ASIC2: variants seen among roughly 807,000 people sequenced by gnomAD.
ASIC2 encodes acid sensing ion channel subunit 2.
A neutral mutation model predicts 57.3 loss-of-function variants in ASIC2; 25 were observed. The observed-to-expected ratio is 0.44, with a 90% CI of 0.32 to 0.61. ASIC2 has a LOEUF of 0.61. Among genes scored for constraint, ASIC2 ranks in the 20% least tolerant of loss-of-function variants. The pLI, the probability that ASIC2 is intolerant of heterozygous loss-of-function variation, is 0.06. For missense variants in ASIC2, 641 were observed against 738.1 expected (o/e 0.87, Z 1.52); for synonymous variants, 319 against 307.5 (o/e 1.04, Z -0.39).
At chr17:33,167,790 C>G (rs1257378319) in intron 1 of ASIC2, among the ~76,000 whole-genome samples, 2 of 141,206 alleles carry the variant, frequency 1.4e-5, no homozygotes, top group Admixed American at 1.4e-4. Context: ...CAAGACGTGC[C>G]TTCCTCTGCC....
At chr17:33,644,701 TAATTTAAAAAATG>T (rs1304601291) in intron 1 of ASIC2, among the ~76,000 whole-genome samples, 4 of 152,250 alleles carry the variant, frequency 2.6e-5, no homozygotes, top group Admixed American at 2.6e-4. Context: ...ATTCTAAGCT[TAATTTAAAAAATG>T]TTAAGTAAAT....
intron 1 of ASIC2, among the ~76,000 whole-genome samples, chr17:33,601,879 G>A (rs1422832396): frequency 2.0e-5 from 3 of 152,244 alleles, no homozygotes; most frequent in South Asian, 2.1e-4. Context: ...TTAAGACTTC[G>A]TGTTTTCCCT....
At chr17:33,393,583 G>A (rs1179568446) in intron 1 of ASIC2, among the ~76,000 whole-genome samples, 1 of 152,144 alleles carries the variant, frequency 6.6e-6, no homozygotes, top group African/African-American at 2.4e-5. Flanking sequence ...CTTTGGGAAA[G>A]TTATATAACT....
intron 1 of ASIC2, among the ~76,000 whole-genome samples, chr17:33,380,200 C>T (rs1430736899): frequency 1.5e-5 from 2 of 136,274 alleles, no homozygotes; most frequent in East Asian, 2.3e-4. Context: ...TAGGTGACAT[C>T]GCGCCACTGC....
intron 1 of ASIC2, among the ~76,000 whole-genome samples, chr17:33,632,555 C>T (rs538526261): frequency 4.8e-4 from 73 of 152,142 alleles, no homozygotes; most frequent in Middle Eastern, 3.4e-3. Context: ...GCTGCTTTTC[C>T]CAGTAAACTA....
At chr17:33,667,872 G>A (rs1267787489) in intron 1 of ASIC2, among the ~76,000 whole-genome samples, 2 of 152,144 alleles carry the variant, frequency 1.3e-5, no homozygotes, top group African/African-American at 4.8e-5. Flanking sequence ...TTATCTATAA[G>A]CACAGCTGCT....
chr17:33,947,333 G>A (rs150780869), intron 1 of ASIC2, among the ~76,000 whole-genome samples: 18 of 152,152 alleles, frequency 1.2e-4, no homozygotes, highest in African/African-American at 3.1e-4. Context: ...CTCCATTGGC[G>A]TTTCGCTCTA....
At chr17:33,068,347 A>T (rs942604183) in intron 3 of ASIC2, among the ~76,000 whole-genome samples, 1 of 152,170 alleles carries the variant, frequency 6.6e-6, no homozygotes, top group Admixed American at 6.5e-5. Flanking sequence ...CATCCTGACC[A>T]ACATGGAGAA....
At chr17:33,035,981 T>A (rs948259210) in intron 3 of ASIC2, among the ~76,000 whole-genome samples, 1 of 152,194 alleles carries the variant, frequency 6.6e-6, no homozygotes, top group Non-Finnish European at 1.5e-5. Context: ...CCCTTAGAAC[T>A]TTGAAATGCC....
chr17:33,965,991 G>A (rs981176851), intron 1 of ASIC2, among the ~76,000 whole-genome samples: 5 of 152,242 alleles, frequency 3.3e-5, no homozygotes, highest in African/African-American at 1.2e-4. Flanking sequence ...ATGCTGGAAA[G>A]ATGCCAGCCT....
chr17:33,072,256 T>C (rs973625312), intron 3 of ASIC2, among the ~76,000 whole-genome samples: 1 of 152,144 alleles, frequency 6.6e-6, no homozygotes, highest in African/African-American at 2.4e-5. Flanking sequence ...CTCTTTGGGG[T>C]CACCATCCCT....
intron 1 of ASIC2, among the ~76,000 whole-genome samples, chr17:33,418,469 C>T (rs931029883): frequency 2.6e-5 from 4 of 152,192 alleles, no homozygotes; most frequent in African/African-American, 9.6e-5. Context: ...ATGGTATTGC[C>T]TAGGTTTTCT....
intron 1 of ASIC2, among the ~76,000 whole-genome samples, chr17:33,899,132 A>AG (rs1455298098): frequency 6.7e-6 from 1 of 149,484 alleles, no homozygotes; most frequent in Non-Finnish European, 1.5e-5. Context: ...CATCTCAGGA[A>AG]AAAAAAAAAA....
intron 1 of ASIC2, among the ~76,000 whole-genome samples, chr17:33,745,301 C>G (rs774006357): frequency 4.6e-5 from 7 of 151,960 alleles, no homozygotes; most frequent in Non-Finnish European, 7.4e-5. Flanking sequence ...GTCCAAATGC[C>G]GTGTGCTGCA....
intron 1 of ASIC2, among the ~76,000 whole-genome samples, chr17:33,625,209 A>G (rs901158740): frequency 8.6e-5 from 13 of 151,966 alleles, no homozygotes; most frequent in African/African-American, 3.1e-4. Flanking sequence ...TCATCTATCT[A>G]TCTATCTATC....
chr17:33,601,129 A>G (rs1905106866), intron 1 of ASIC2, among the ~76,000 whole-genome samples: 1 of 152,208 alleles, frequency 6.6e-6, no homozygotes, highest in Non-Finnish European at 1.5e-5. Context: ...AGAAAATACA[A>G]ATTTTGTAAA....
At chr17:34,073,067 C>G (rs1488738502) in intron 1 of ASIC2, among the ~76,000 whole-genome samples, 3 of 152,142 alleles carry the variant, frequency 2.0e-5, no homozygotes, top group Admixed American at 2.0e-4. Flanking sequence ...ATGAATGCAA[C>G]TCGGTGGGAT....
At chr17:33,171,179 C>T (rs962913898) in intron 1 of ASIC2, among the ~76,000 whole-genome samples, 2 of 152,202 alleles carry the variant, frequency 1.3e-5, no homozygotes, top group Non-Finnish European at 2.9e-5. Context: ...TCTTACTCTG[C>T]CCCTAGCTTT....
chr17:33,056,260 C>T (rs1002745686), intron 3 of ASIC2, among the ~76,000 whole-genome samples: 4 of 152,210 alleles, frequency 2.6e-5, no homozygotes, highest in Non-Finnish European at 5.9e-5. Flanking sequence ...CACCAACACA[C>T]CCAAAGATAC....
Sources: gnomAD v4.1 joint callset for allele counts (sites outside exome capture counted in the v4.1 genomes callset) on GRCh38, gnomAD v4.1.1 for gene constraint, MANE v1.5 for transcripts, NCBI Gene and HGNC (gene_info 2026-07-23, HGNC 2026-07-21) for gene names.